The following CACNG2 variants were observed in gnomAD, a reference collection of about 807,000 sequenced individuals.
The protein encoded by CACNG2 is calcium voltage-gated channel auxiliary subunit gamma 2, also known as voltage-dependent calcium channel gamma-2 subunit.
A neutral mutation model predicts 25.9 loss-of-function variants in CACNG2; 3 were observed. The ratio of observed to expected loss-of-function variants is 0.12; its 90% confidence interval spans 0.05 to 0.30. The LOEUF (loss-of-function observed/expected upper bound fraction) is 0.30. CACNG2 is among the 10% of genes least tolerant of loss of function. The pLI is 1.00. For missense variants in CACNG2, 341 were observed against 432.5 expected (o/e 0.79, Z 1.88); for synonymous variants, 167 against 173.3 (o/e 0.96, Z 0.29).
chr22:36,652,226 G>T (rs763712488), intron 1 of CACNG2, among the ~76,000 whole-genome samples: 1 of 151,880 alleles, frequency 6.6e-6, no homozygotes, highest in Non-Finnish European at 1.5e-5. Context: ...ACCACTCTCC[G>T]CCAGGCTGTG....
intron 1 of CACNG2, among the ~76,000 whole-genome samples, chr22:36,625,037 A>AAAAAAAAAAAAAAAAAAAAAAAC (rs1936164588): frequency 1.3e-5 from 2 of 150,166 alleles, no homozygotes; most frequent in Non-Finnish European, 3.0e-5. Context: ...AAAAAAAAAA[A>AAAAAAAAAAAAAAAAAAAAAAAC]AAAAAGAACC....
intron 1 of CACNG2, among the ~76,000 whole-genome samples, chr22:36,633,000 G>A (rs758747064): frequency 3.3e-5 from 5 of 151,986 alleles, no homozygotes; most frequent in African/African-American, 4.8e-5. Context: ...TCTGGAAGAC[G>A]CCAGCATATT....
At position 36,564,334 on chromosome 22, in the gene CACNG2, G is replaced by A; in HGVS notation, c.*17C>T. 1 of 1,605,274 alleles carries A rather than the reference G, an allele frequency of 6.2e-7. No homozygotes were observed. Among genetic ancestry groups the A allele is most frequent in the Non-Finnish European group, 8.5e-7 (1 of 1,176,084 alleles). ...CCGCGCCCTCCTCCCGCGGTCTTCT[G>A]GCGAGGCCCGCGGTCTTTATACGGG... On this transcript the variant is annotated 3_prime_UTR_variant, in exon 4 of 4. Coordinates refer to ENST00000300105, the MANE Select transcript of CACNG2 (RefSeq NM_006078.5). The surrounding 1 kb of genome is among the most constrained non-coding windows in gnomAD (Gnocchi z 6.7).
At chr22:36,647,542 G>A (rs1334783609) in intron 1 of CACNG2, among the ~76,000 whole-genome samples, 1 of 151,836 alleles carries the variant, frequency 6.6e-6, no homozygotes, top group Non-Finnish European at 1.5e-5. Context: ...GTTTCAGTGA[G>A]CCAAGATCAT....
At chr22:36,696,616 A>C (rs1179586667) in intron 1 of CACNG2, among the ~76,000 whole-genome samples, 1 of 152,188 alleles carries the variant, frequency 6.6e-6, no homozygotes, top group Non-Finnish European at 1.5e-5. Flanking sequence ...CCCTGCCCTC[A>C]TGGAGCTGAC....
At chr22:36,690,165 C>T (rs1937250262) in intron 1 of CACNG2, among the ~76,000 whole-genome samples, 2 of 152,302 alleles carry the variant, frequency 1.3e-5, no homozygotes, top group Admixed American at 6.5e-5. Context: ...TTGCAAACTT[C>T]GACGCCTACA....
At chr22:36,681,242 A>G (rs1361129202) in intron 1 of CACNG2, among the ~76,000 whole-genome samples, 1 of 152,202 alleles carries the variant, frequency 6.6e-6, no homozygotes, top group Non-Finnish European at 1.5e-5. Flanking sequence ...AGGGCCTAAA[A>G]GTAACTGATG....
intron 2 of CACNG2, among the ~76,000 whole-genome samples, chr22:36,567,063 T>A (rs1425047779): frequency 6.6e-6 from 1 of 152,118 alleles, no homozygotes; most frequent in East Asian, 1.9e-4. Context: ...ACCACGTGGG[T>A]TGGATTTGAG....
chr22:36,700,370 A>C (rs1937396616), intron 1 of CACNG2, among the ~76,000 whole-genome samples: 1 of 152,194 alleles, frequency 6.6e-6, no homozygotes, highest in Admixed American at 6.5e-5. Flanking sequence ...CAATATTTAA[A>C]AGATCACAAT....
intron 1 of CACNG2, among the ~76,000 whole-genome samples, chr22:36,680,979 T>C (rs1255804711): frequency 6.6e-6 from 1 of 152,046 alleles, no homozygotes; most frequent in East Asian, 1.9e-4. Flanking sequence ...TGTCAACTTC[T>C]TTATTTATAC....
chr22:36,587,039 AGT>A (rs1935517370), intron 2 of CACNG2, among the ~76,000 whole-genome samples: 1 of 151,548 alleles, frequency 6.6e-6, no homozygotes. Context: ...ATATTCACTG[AGT>A]GCTTATCACA....
At chr22:36,573,087 A>G (rs5995311) in intron 2 of CACNG2, among the ~76,000 whole-genome samples, 11,301 of 152,344 alleles carry the variant, frequency 0.074, 794 homozygotes, top group African/African-American at 0.18. Flanking sequence ...CTAATGTCAC[A>G]TGTAGACAAC....
chr22:36,623,480 T>C (rs1936138896), intron 1 of CACNG2, among the ~76,000 whole-genome samples: 1 of 152,174 alleles, frequency 6.6e-6, no homozygotes, highest in African/African-American at 2.4e-5. Flanking sequence ...TATGGCTTAA[T>C]TGTCCTGTGC....
chr22:36,616,000 A>G (rs1936016865), intron 1 of CACNG2, among the ~76,000 whole-genome samples: 1 of 151,738 alleles, frequency 6.6e-6, no homozygotes, highest in African/African-American at 2.4e-5. Context: ...TATCTCTCCT[A>G]TTTTTCAAAT....
intron 1 of CACNG2, among the ~76,000 whole-genome samples, chr22:36,652,425 C>T (rs1936632839): frequency 6.6e-6 from 1 of 152,160 alleles, no homozygotes; most frequent in Non-Finnish European, 1.5e-5. Context: ...TTCTTCTCAC[C>T]CTGCAAACAT....
At chr22:36,635,079 C>T in intron 1 of CACNG2, among the ~76,000 whole-genome samples, 1 of 152,060 alleles carries the variant, frequency 6.6e-6, no homozygotes, top group East Asian at 1.9e-4. Context: ...GTCAGGAGAT[C>T]AAGACCATCC....
chr22:36,679,901 C>T (rs955133807), intron 1 of CACNG2, among the ~76,000 whole-genome samples: 1 of 152,060 alleles, frequency 6.6e-6, no homozygotes, highest in African/African-American at 2.4e-5. Flanking sequence ...CGGATGATAA[C>T]AATCCCTGTT....
At chr22:36,570,310 T>C (rs996486608) in intron 2 of CACNG2, among the ~76,000 whole-genome samples, 2 of 151,918 alleles carry the variant, frequency 1.3e-5, no homozygotes, top group Non-Finnish European at 2.9e-5. Context: ...CAAAGAGCAA[T>C]GTGGAGGAAT....
In CACNG2 at chr22:36,606,611, C is replaced by T. The variant is rs564521306; in HGVS notation, c.212-19063G>A. On this transcript the variant is annotated intron_variant, in intron 1 of 3. Transcript: ENST00000300105. This position sits in a 1 kb window ranked among gnomAD's most constrained non-coding sequence, Gnocchi z 5.7. ...GGAAGAAGCACCATCTCGGATGAGC[C>T]GTGAAGGATAAGTAAAAATTGGCAG... Among the ~76,000 whole-genome samples, 23 of 151,728 alleles carry T rather than the reference C, an allele frequency of 1.5e-4. No individual in the cohort carries two copies. Among genetic ancestry groups the T allele is most frequent in the African/African-American group, 3.9e-4 (16 of 41,336 alleles).
Sources: allele counts gnomAD v4.1 joint callset (sites outside exome capture counted in the v4.1 genomes callset), GRCh38; gene constraint gnomAD v4.1.1; non-coding constraint Gnocchi (gnomAD v3.1); transcripts MANE v1.5; gene names NCBI Gene and HGNC (gene_info 2026-07-23, HGNC 2026-07-21).